CTNND2: variants seen among roughly 807,000 people sequenced by gnomAD.
The protein encoded by CTNND2 is catenin delta 2.
Under a neutral mutation model 144.4 loss-of-function variants are expected in CTNND2, and 22 were observed. The observed-to-expected ratio is 0.15, with a 90% confidence interval of 0.11 to 0.22. CTNND2 has a LOEUF of 0.22. Ranked by LOEUF, CTNND2 falls within the 10% of genes least tolerant of loss-of-function variation. CTNND2 has a pLI of 1.00. For synonymous variants in CTNND2, 751 were observed against 695.6 expected (o/e 1.08, Z -1.25); for missense variants, 1,353 against 1,618.8 (o/e 0.84, Z 2.82).
chr5:11,122,962 C>G (rs1754297041), intron 12 of CTNND2, among the ~76,000 whole-genome samples: 1 of 152,074 alleles, frequency 6.6e-6, no homozygotes, highest in African/African-American at 2.4e-5. Context: ...CTGAGGGCCT[C>G]TGGACGCTTG....
At chr5:11,261,233 T>C (rs1744827324) in intron 9 of CTNND2, among the ~76,000 whole-genome samples, 1 of 152,198 alleles carries the variant, frequency 6.6e-6, no homozygotes, top group African/African-American at 2.4e-5. Context: ...GACAGTGATA[T>C]TGGGCTGGCC....
chr5:11,675,171 T>G (rs1338631120), intron 2 of CTNND2, among the ~76,000 whole-genome samples: 1 of 152,038 alleles, frequency 6.6e-6, no homozygotes, highest in Non-Finnish European at 1.5e-5. Context: ...CTCAAAAAAG[T>G]AGAAAAAAAG....
chr5:11,090,122 C>T (rs1415750128), intron 15 of CTNND2, among the ~76,000 whole-genome samples: 2 of 152,202 alleles, frequency 1.3e-5, no homozygotes, highest in Non-Finnish European at 2.9e-5. Context: ...GTGCTGGAAC[C>T]TTTGACTCAG....
chr5:11,190,137 C>T (rs1410146930), intron 11 of CTNND2, among the ~76,000 whole-genome samples: 3 of 152,190 alleles, frequency 2.0e-5, no homozygotes, highest in African/African-American at 7.2e-5. Flanking sequence ...CTCCTCTGCC[C>T]ATCATTGATC....
At chr5:11,126,642 T>A (rs997761891) in intron 12 of CTNND2, among the ~76,000 whole-genome samples, 2 of 152,180 alleles carry the variant, frequency 1.3e-5, no homozygotes, top group Non-Finnish European at 2.9e-5. Context: ...CACGATATCA[T>A]CAGTATGTAA....
intron 2 of CTNND2, among the ~76,000 whole-genome samples, chr5:11,626,369 T>C (rs981465931): frequency 8.5e-5 from 13 of 152,184 alleles, no homozygotes; most frequent in African/African-American, 3.1e-4. Context: ...CACTATACTA[T>C]ATGTGATATT....
At chr5:11,614,107 T>A (rs1165832105) in intron 2 of CTNND2, among the ~76,000 whole-genome samples, 1 of 152,214 alleles carries the variant, frequency 6.6e-6, no homozygotes, top group Non-Finnish European at 1.5e-5. Context: ...CTTCTTTTTT[T>A]AAAATAGTGT....
At chr5:11,372,217 T>C (rs1325230224) in intron 7 of CTNND2, among the ~76,000 whole-genome samples, 1 of 152,134 alleles carries the variant, frequency 6.6e-6, no homozygotes, top group African/African-American at 2.4e-5. Flanking sequence ...AAAGTCAAAA[T>C]CACTGCCCAG....
At chr5:11,622,526 T>C (rs1780898941) in intron 2 of CTNND2, among the ~76,000 whole-genome samples, 1 of 152,202 alleles carries the variant, frequency 6.6e-6, no homozygotes, top group African/African-American at 2.4e-5. Flanking sequence ...TGAAGAGTTT[T>C]TGATGATTTG....
chr5:11,798,988 T>C (rs1172696811), intron 1 of CTNND2, among the ~76,000 whole-genome samples: 1 of 152,196 alleles, frequency 6.6e-6, no homozygotes, highest in African/African-American at 2.4e-5. Flanking sequence ...GTTTCATTCA[T>C]GTACAAGAGT....
chr5:11,672,104 G>A (rs373084866), intron 2 of CTNND2, among the ~76,000 whole-genome samples: 55 of 152,298 alleles, frequency 3.6e-4, no homozygotes, highest in Middle Eastern at 3.4e-3. Flanking sequence ...GGGTATCACC[G>A]GCAGAGGCTG....
chr5:11,401,446 G>C (rs60013977), intron 5 of CTNND2, among the ~76,000 whole-genome samples: 1,860 of 152,250 alleles, frequency 0.012, 70 homozygotes, highest in East Asian at 0.11. Context: ...TATTCTATAA[G>C]TCACAACCAC....
In CTNND2 at chr5:11,813,766, G is replaced by A. The variant is rs143978110; in HGVS notation, c.38-81494C>T. Among the ~76,000 whole-genome samples, 86 of 152,156 alleles carry A rather than the reference G, an allele frequency of 5.7e-4. No individual in the cohort carries two copies. In the East Asian group the frequency reaches 0.014, roughly 25 times the overall value. ...TGGCCTCAAGCGATCCTTCAGCCTCGACCTCCCAAAGCACTGGGATTAAAG... is the reference window on the plus strand; with the variant it reads ...TGGCCTCAAGCGATCCTTCAGCCTCAACCTCCCAAAGCACTGGGATTAAAG... On this transcript the variant is annotated intron_variant, in intron 1 of 21. Coordinates refer to ENST00000304623, the MANE Select transcript of CTNND2 (RefSeq NM_001332.4).
intron 16 of CTNND2, among the ~76,000 whole-genome samples, chr5:11,071,742 C>T (rs544996627): frequency 1.1e-3 from 163 of 152,040 alleles, no homozygotes; most frequent in Middle Eastern, 3.4e-3. Context: ...CCACAGAGTG[C>T]GCGTGTGTCC....
chr5:11,662,178 C>CATATATGTGTATATATGTGTATATATGT (rs1561668950), intron 2 of CTNND2, among the ~76,000 whole-genome samples: 3 of 120,400 alleles, frequency 2.5e-5, no homozygotes, highest in South Asian at 2.6e-4. Flanking sequence ...TGTATATATA[C>CATATATGTGTATATATGTGTATATATGT]ATATATGTGT....
intron 16 of CTNND2, among the ~76,000 whole-genome samples, chr5:11,068,732 G>A (rs902221857): frequency 6.6e-6 from 1 of 152,112 alleles, no homozygotes; most frequent in African/African-American, 2.4e-5. Context: ...TGGCTAACAC[G>A]GTGAAACCCC....
chr5:11,725,970 C>T (rs930998162), intron 2 of CTNND2, among the ~76,000 whole-genome samples: 1 of 152,160 alleles, frequency 6.6e-6, no homozygotes, highest in African/African-American at 2.4e-5. Context: ...TTGCTTTGTG[C>T]AAACCATGCA....
chr5:10,979,826 G>T (rs972744223), intron 21 of CTNND2, among the ~76,000 whole-genome samples: 13 of 152,176 alleles, frequency 8.5e-5, no homozygotes, highest in African/African-American at 3.1e-4. Context: ...TTTAATAAAT[G>T]TTGTTGGGAA....
chr5:11,694,561 C>T (rs1785059524), intron 2 of CTNND2, among the ~76,000 whole-genome samples: 1 of 152,192 alleles, frequency 6.6e-6, no homozygotes, highest in Non-Finnish European at 1.5e-5. Context: ...TCTTCTGAGG[C>T]CTCAGTTAGG....
Sources: allele counts gnomAD v4.1 joint callset (sites outside exome capture counted in the v4.1 genomes callset), GRCh38; gene constraint gnomAD v4.1.1; transcripts MANE v1.5; gene names NCBI Gene and HGNC (gene_info 2026-07-23, HGNC 2026-07-21).